The following HMGCS1 variants were observed in gnomAD, a reference collection of about 807,000 sequenced individuals.
HMGCS1 encodes 3-hydroxy-3-methylglutaryl-CoA synthase 1.
HMGCS1 carries 9 observed loss-of-function variants against 52.3 expected under a neutral mutation model. That is an observed-to-expected ratio of 0.17 (90% CI 0.10 to 0.30). The LOEUF (loss-of-function observed/expected upper bound fraction) is 0.30, where lower values mean the gene tolerates loss of function less well. HMGCS1 is among the 10% of genes least tolerant of loss of function. The pLI, the probability that HMGCS1 is intolerant of heterozygous loss-of-function variation, is 1.00. For missense variants in HMGCS1, 320 were observed against 620.9 expected, an observed-to-expected ratio of 0.52 and a Z score of 5.15; for synonymous variants, 176 against 214.4, an observed-to-expected ratio of 0.82 and a Z score of 1.57.
chr5:43,288,856 G>GA lies in HMGCS1; in HGVS notation c.*2274_*2275insT, dbSNP rs1753609352. Reference sequence around the variant, plus strand: ...AATTCATAGAATCCTAAGACTTGATGGTGCTCTTAGGGATCATCTAATCCA... The same window carrying GA: ...AATTCATAGAATCCTAAGACTTGATGAGTGCTCTTAGGGATCATCTAATCCA... On this transcript the variant is annotated 3_prime_UTR_variant, in exon 11 of 11. Coordinates refer to ENST00000325110, the MANE Select transcript of HMGCS1 (RefSeq NM_001098272.3). 1 of 152,076 alleles carries GA rather than the reference G, an allele frequency of 6.6e-6. No individual in the cohort carries two copies. The highest frequency in any genetic ancestry group is 6.5e-5 in the Admixed American group (1 of 15,270). The allele number at this position is 152,076 out of a possible 1,614,324, so 9.4% of individuals were successfully genotyped here. A position where few individuals can be genotyped will look rare whatever the true frequency, so the allele number is the denominator to read the frequency against.
At position 43,288,113 on chromosome 5, in the gene HMGCS1, T is replaced by C. The variant is rs1264223438; in HGVS notation, c.*3018A>G. 2.0e-5 allele frequency: 3 copies of C among 152,188 alleles called. No homozygotes were observed. Among genetic ancestry groups the C allele is most frequent in the African/African-American group, 2.4e-5 (1 of 41,454 alleles). 9.4% of individuals were successfully genotyped at this position (152,188 alleles called of 1,614,324 possible). A position where few individuals can be genotyped will look rare whatever the true frequency, so the allele number is the denominator to read the frequency against. ...GAATAAGGAATATACATAGAATGAA[T>C]AGTGCTTACTACTGAATAAAGTAGT... On this transcript the variant is annotated 3_prime_UTR_variant, in exon 11 of 11. Transcript: ENST00000325110.
At chr5:43,302,444 C>T (rs890769357) in intron 2 of HMGCS1, among the ~76,000 whole-genome samples, 3 of 152,196 alleles carry the variant, frequency 2.0e-5, no homozygotes, top group African/African-American at 7.2e-5. Context: ...ACCCATGAAA[C>T]CTTTCTAAAT....
chr5:43,290,466 A>C lies in HMGCS1; in HGVS notation c.*665T>G, dbSNP rs1252653789. The C allele has an allele frequency of 1.3e-5, 2 of 152,182 alleles. No homozygotes were observed. Among genetic ancestry groups the C allele is most frequent in the Non-Finnish European group, 2.9e-5 (2 of 68,054 alleles). 9.4% of individuals were successfully genotyped at this position (152,182 alleles called of 1,614,324 possible). A position where few individuals can be genotyped will look rare whatever the true frequency, so the allele number is the denominator to read the frequency against. On this transcript the variant is annotated 3_prime_UTR_variant, in exon 11 of 11. Transcript: ENST00000325110. ...TCAATGGCAGTGTTTCTCTGTTCAGAGGTCATTACAATAACTTTTGTCACT... is the reference window on the plus strand; with the variant it reads ...TCAATGGCAGTGTTTCTCTGTTCAGCGGTCATTACAATAACTTTTGTCACT...
chr5:43,298,700 C>T lies in HMGCS1; in HGVS notation c.266G>A (p.Arg89Gln). The change falls in exon 3 of 11, where the codon CGG becomes CAG. Residue 89 changes from arginine to glutamine, a missense_variant. Arg to Gln is a conservative substitution (Grantham distance 43, BLOSUM62 1). Transcript: ENST00000325110. The surrounding 1 kb of genome is among the most constrained non-coding windows in gnomAD (Gnocchi z 5.6). Reference sequence around the variant, plus strand: ...GATTGTCTCTGTTCCAACTTCCAGCCGCCCAATGCAATCATAGGAAAGGTT... The same window carrying T: ...GATTGTCTCTGTTCCAACTTCCAGCTGCCCAATGCAATCATAGGAAAGGTT... The part of the protein sequence containing the change: ...RNNLSYDCIG[R>Q]LEVGTETIID... 1 of 1,614,202 alleles carries T rather than the reference C, an allele frequency of 6.2e-7. No individual in the cohort carries two copies. Among genetic ancestry groups the T allele is most frequent in the Non-Finnish European group, 8.5e-7 (1 of 1,180,038 alleles).
intron 2 of HMGCS1, among the ~76,000 whole-genome samples, chr5:43,302,032 G>A (rs1049421276): frequency 1.4e-4 from 21 of 152,176 alleles, no homozygotes; most frequent in Admixed American, 4.6e-4. Flanking sequence ...CCAAACCAGC[G>A]CTCAGAACCA....
At chr5:43,308,440 A>G (rs988374431) in intron 1 of HMGCS1, among the ~76,000 whole-genome samples, 2 of 152,230 alleles carry the variant, frequency 1.3e-5, no homozygotes, top group African/African-American at 4.8e-5. Flanking sequence ...GTGTTTTTCA[A>G]AGAAAATAAA....
intron 7 of HMGCS1, 160 bp downstream of exon 7, chr5:43,294,531 C>A: frequency 1.9e-6 from 1 of 537,642 alleles, no homozygotes; most frequent in Non-Finnish European, 3.3e-6. Context: ...GTAGCCTCAA[C>A]CCATACATCT....
chr5:43,291,922 C>T (rs1445752274), intron 10 of HMGCS1, among the ~76,000 whole-genome samples: 2 of 151,340 alleles, frequency 1.3e-5, no homozygotes, highest in African/African-American at 4.9e-5. Context: ...AATGAACCTT[C>T]TCTCTATATC....
intron 2 of HMGCS1, among the ~76,000 whole-genome samples, chr5:43,305,278 G>A (rs1754511682): frequency 6.6e-6 from 1 of 152,080 alleles, no homozygotes; most frequent in Non-Finnish European, 1.5e-5. Context: ...GAGCCACCGT[G>A]CCCAGCAAAT....
chr5:43,294,303 T>C, intron 7 of HMGCS1, 141 bp from the exon 8 acceptor site: 1 of 616,356 alleles, frequency 1.6e-6, no homozygotes, highest in Non-Finnish European at 2.9e-6. Context: ...TAACTCAAAG[T>C]GTTAATATTG....
intron 2 of HMGCS1, among the ~76,000 whole-genome samples, chr5:43,302,752 C>A (rs925081935): frequency 6.6e-6 from 1 of 152,226 alleles, no homozygotes; most frequent in South Asian, 2.1e-4. Flanking sequence ...CCCTAAGCAG[C>A]AGTCAAAGTA....
chr5:43,300,937 G>A (rs1754286724), intron 2 of HMGCS1, among the ~76,000 whole-genome samples: 1 of 151,830 alleles, frequency 6.6e-6, no homozygotes, highest in African/African-American at 2.4e-5. Context: ...GATGCTTAAT[G>A]GGAGACTTCC....
chr5:43,296,934 C>T, intron 5 of HMGCS1, 68 bp downstream of exon 5: 4 of 1,227,232 alleles, frequency 3.3e-6, no homozygotes, highest in South Asian at 1.5e-5. Context: ...AGTTGCCTAC[C>T]AAAGATACCT....
At chr5:43,295,983 A>G in intron 5 of HMGCS1, 66 bp from the exon 6 acceptor site, 3 of 1,206,886 alleles carry the variant, frequency 2.5e-6, no homozygotes, top group Non-Finnish European at 3.6e-6. Context: ...GTTTGACTTT[A>G]GAATAAAGCT....
At chr5:43,305,188 G>T (rs1207461050) in intron 2 of HMGCS1, among the ~76,000 whole-genome samples, 2 of 151,984 alleles carry the variant, frequency 1.3e-5, no homozygotes, top group Admixed American at 6.5e-5. Context: ...GTTTGACCAT[G>T]TTGGTCAGGC....
At position 43,291,283 on chromosome 5, in the gene HMGCS1, C is replaced by A. The variant is rs1753754180; in HGVS notation, c.1474-63G>T. ...TCTTTCCCCCACAAGAATCATGGCA[C>A]CAATTAAAGTTTCTGTAAAGAAACT... On this transcript the variant is annotated intron_variant, in intron 10 of 10. Coordinates refer to ENST00000325110, the MANE Select transcript of HMGCS1 (RefSeq NM_001098272.3). 4.0e-6 allele frequency: 4 copies of A among 988,372 alleles called. No individual in the cohort carries two copies. The Admixed American group carries it at 6.9e-5, about 17-fold the overall frequency. The allele number at this position is 988,372 out of a possible 1,614,324, so 61.2% of individuals were successfully genotyped here. A position where few individuals can be genotyped will look rare whatever the true frequency, so the allele number is the denominator to read the frequency against.
intron 7 of HMGCS1, 23 bp downstream of exon 7, chr5:43,294,668 T>A: frequency 6.5e-7 from 1 of 1,531,844 alleles, no homozygotes; most frequent in Non-Finnish European, 8.9e-7. Flanking sequence ...GGGAGTTAAG[T>A]AGTAGGTGAA....
chr5:43,289,846 A>C lies in HMGCS1; in HGVS notation c.*1285T>G, dbSNP rs1023291161. The C allele has an allele frequency of 5.2e-5, 8 of 152,620 alleles. No individual in the cohort carries two copies. The highest frequency in any genetic ancestry group is 1.9e-4 in the African/African-American group (8 of 41,444). 9.5% of individuals were successfully genotyped at this position (152,620 alleles called of 1,614,324 possible). On this transcript the variant is annotated 3_prime_UTR_variant, in exon 11 of 11. Transcript: ENST00000325110. ...AGAATTTAACAGCAAATAAAGTTTA[A>C]AAAATTTAGTTCTGTACATTAGTTC...
At chr5:43,292,779 T>C (rs1206418742) in intron 9 of HMGCS1, 69 bp downstream of exon 9, 74 of 1,541,508 alleles carry the variant, frequency 4.8e-5, no homozygotes, top group Non-Finnish European at 6.5e-5. Context: ...ATCCTTATCG[T>C]ATATGTAGCA....
Sources: allele counts gnomAD v4.1 joint callset (sites outside exome capture counted in the v4.1 genomes callset), GRCh38; gene constraint gnomAD v4.1.1; non-coding constraint Gnocchi (gnomAD v3.1); transcripts MANE v1.5; gene names NCBI Gene and HGNC (gene_info 2026-07-23, HGNC 2026-07-21).